The following CSRNP3 variants were observed in gnomAD, a reference collection of about 807,000 sequenced individuals.
The protein encoded by CSRNP3 is cysteine and serine rich nuclear protein 3, also known as cysteine/serine-rich nuclear protein 3.
Under a neutral mutation model 48.0 loss-of-function variants are expected in CSRNP3, and 12 were observed. That is an observed-to-expected ratio of 0.25 (90% CI 0.16 to 0.41). The LOEUF (loss-of-function observed/expected upper bound fraction) is 0.41. Among genes scored for constraint, CSRNP3 ranks in the 10% least tolerant of loss-of-function variants. The pLI is 1.00. For missense variants in CSRNP3, 580 were observed against 724.4 expected, an observed-to-expected ratio of 0.80 and a Z score of 2.29; for synonymous variants, 263 against 269.7, an observed-to-expected ratio of 0.98 and a Z score of 0.24.
intron 4 of CSRNP3, among the ~76,000 whole-genome samples, chr2:165,623,251 C>T (rs932364877): frequency 7.2e-5 from 11 of 151,988 alleles, no homozygotes; most frequent in African/African-American, 1.4e-4. Context: ...AGAAGTGGGC[C>T]GCACAGCAAG....
chr2:165,634,113 C>T lies in CSRNP3; in HGVS notation c.149-23648C>T, dbSNP rs565280277. 9.2e-5 allele frequency among the ~76,000 whole-genome samples: 14 copies of T among 152,244 alleles called. No homozygotes were observed. The East Asian group carries it at 2.3e-3, about 25-fold the overall frequency. ...CAACACTTTGGGAGGCCAAGGCAGG[C>T]GGATCTCTTGAGCCCAGGAGTTCGA... On this transcript the variant is annotated intron_variant, in intron 4 of 6. Coordinates refer to ENST00000651982, the MANE Select transcript of CSRNP3 (RefSeq NM_001172173.2).
chr2:165,637,918 A>G (rs537680181), intron 4 of CSRNP3, among the ~76,000 whole-genome samples: 1 of 152,180 alleles, frequency 6.6e-6, no homozygotes, highest in Non-Finnish European at 1.5e-5. Flanking sequence ...GTACTATTAT[A>G]TAGTTGCTAC....
intron 3 of CSRNP3, among the ~76,000 whole-genome samples, chr2:165,539,397 G>A (rs2292608): frequency 0.21 from 31,685 of 151,698 alleles, 3,629 homozygotes; most frequent in African/African-American, 0.28. Flanking sequence ...TTCCCCTCAC[G>A]CCAGAATGAG....
chr2:165,536,488 C>G (rs1311131133), intron 3 of CSRNP3, among the ~76,000 whole-genome samples: 3 of 151,836 alleles, frequency 2.0e-5, no homozygotes, highest in African/African-American at 7.2e-5. Context: ...ACATAAAAAC[C>G]ACACCTTACT....
intron 4 of CSRNP3, among the ~76,000 whole-genome samples, chr2:165,641,349 A>G (rs1393244101): frequency 6.6e-6 from 1 of 152,180 alleles, no homozygotes. Context: ...CTCAATTCCT[A>G]AGATTTACTA....
intron 3 of CSRNP3, among the ~76,000 whole-genome samples, chr2:165,542,179 TA>T (rs1684966628): frequency 6.6e-6 from 1 of 152,170 alleles, no homozygotes; most frequent in South Asian, 2.1e-4. Context: ...TCTGGGAAAC[TA>T]GTTTGCCTAA....
At position 165,492,062 on chromosome 2, in the gene CSRNP3, A is replaced by T. The variant is rs889690889; in HGVS notation, c.-282-2697A>T. ...CTTCCCTCCACTTTGTCCTCTTTCT[A>T]AATTCTTATTCCCCAACTCCCACCC... On this transcript the variant is annotated intron_variant, in intron 1 of 6. Transcript: ENST00000651982. Among the ~76,000 whole-genome samples the T allele has an allele frequency of 3.3e-5, 5 of 151,884 alleles. No individual in the cohort carries two copies. The East Asian group carries it at 9.7e-4, about 29-fold the overall frequency.
Position 165,678,749 on chromosome 2 carries a change from A to G in CSRNP3, c.754A>G (p.Asn252Asp). The G allele has an allele frequency of 6.2e-7, 1 of 1,614,124 alleles. No individual in the cohort carries two copies. Among genetic ancestry groups the G allele is most frequent in the Non-Finnish European group, 8.5e-7 (1 of 1,180,008 alleles). The change falls in exon 7 of 7, where the codon AAC (asparagine) becomes GAC (aspartate). Residue 252 changes from asparagine to aspartate, a missense_variant. Asn to Asp is a conservative substitution (Grantham distance 23). Coordinates refer to ENST00000651982, the MANE Select transcript of CSRNP3 (RefSeq NM_001172173.2). The stretch of plus-strand genomic sequence containing the variant: ...CGGCTGCACTAAAGAAGGATGTAGT[A>G]ACACAGCAGGTAGAATTGAATTTAA... ...PCGCTKEGCSNTAGRIEFNPI... is the reference protein window; with the variant it reads ...PCGCTKEGCSDTAGRIEFNPI...
intron 5 of CSRNP3, among the ~76,000 whole-genome samples, chr2:165,666,952 G>GGA (rs1687231308): frequency 1.7e-4 from 6 of 35,438 alleles, no homozygotes; most frequent in Non-Finnish European, 5.2e-4. Context: ...GAAAGAGAGA[G>GGA]AGGAAGGAAG....
intron 3 of CSRNP3, chr2:165,572,303 C>G (rs184929809): frequency 6.6e-6 from 1 of 152,176 alleles, no homozygotes; most frequent in Non-Finnish European, 1.5e-5. Context: ...GCCTGGCTCT[C>G]TCAGACAAAA....
chr2:165,543,646 G>A (rs928900156), intron 3 of CSRNP3, among the ~76,000 whole-genome samples: 5 of 151,936 alleles, frequency 3.3e-5, no homozygotes, highest in Non-Finnish European at 5.9e-5. Flanking sequence ...CTAGGATTTA[G>A]CTTAGTTTTT....
intron 3 of CSRNP3, among the ~76,000 whole-genome samples, chr2:165,566,155 C>A (rs986185446): frequency 6.6e-6 from 1 of 151,898 alleles, no homozygotes; most frequent in Non-Finnish European, 1.5e-5. Context: ...TACAGACAGA[C>A]TCTAAGATGC....
chr2:165,498,828 C>G (rs1410718903), intron 2 of CSRNP3, among the ~76,000 whole-genome samples: 1 of 152,000 alleles, frequency 6.6e-6, no homozygotes, highest in Non-Finnish European at 1.5e-5. Context: ...TCATAGAAAA[C>G]CTCCAAATTT....
chr2:165,581,380 A>C (rs1685542759), intron 3 of CSRNP3, among the ~76,000 whole-genome samples: 1 of 152,198 alleles, frequency 6.6e-6, no homozygotes, highest in African/African-American at 2.4e-5. Flanking sequence ...GCAGGACATA[A>C]GTCAATTTAG....
chr2:165,549,279 G>GT, intron 3 of CSRNP3, among the ~76,000 whole-genome samples: 1 of 152,108 alleles, frequency 6.6e-6, no homozygotes, highest in South Asian at 2.1e-4. Context: ...TAGTTGTCAT[G>GT]TTTTCTAGTA....
At chr2:165,619,501 C>T (rs556428538) in intron 4 of CSRNP3, among the ~76,000 whole-genome samples, 93 of 152,202 alleles carry the variant, frequency 6.1e-4, no homozygotes, top group African/African-American at 2.2e-3. Flanking sequence ...TATCGTACCT[C>T]ATAGCTACTG....
At chr2:165,674,291 A>G (rs1427022738) in intron 5 of CSRNP3, among the ~76,000 whole-genome samples, 1 of 152,108 alleles carries the variant, frequency 6.6e-6, no homozygotes, top group Non-Finnish European at 1.5e-5. Flanking sequence ...GTAAGATGTA[A>G]AAGGGAACAC....
At chr2:165,614,872 GTTC>G (rs1163493986) in intron 4 of CSRNP3, among the ~76,000 whole-genome samples, 4 of 152,070 alleles carry the variant, frequency 2.6e-5, no homozygotes, top group Non-Finnish European at 5.9e-5. Context: ...ACTTTCTAAA[GTTC>G]TTCTTATTAT....
intron 3 of CSRNP3, among the ~76,000 whole-genome samples, 169 bp from the exon 4 acceptor site, chr2:165,594,874 A>T (rs895455168): frequency 3.9e-5 from 6 of 152,128 alleles, no homozygotes; most frequent in African/African-American, 1.4e-4. Context: ...ATTTAATCTT[A>T]TTTTTGTTAA....
Sources: gnomAD v4.1 joint callset for allele counts (sites outside exome capture counted in the v4.1 genomes callset) on GRCh38, gnomAD v4.1.1 for gene constraint, MANE v1.5 for transcripts, NCBI Gene and HGNC (gene_info 2026-07-23, HGNC 2026-07-21) for gene names.